GREB1L: variants seen among roughly 807,000 people sequenced by gnomAD.
The protein encoded by GREB1L is GREB1 like retinoic acid receptor coactivator.
Under a neutral mutation model 200.8 loss-of-function variants are expected in GREB1L, and 17 were observed. That is an observed-to-expected ratio of 0.08 (90% CI 0.06 to 0.13). The LOEUF (loss-of-function observed/expected upper bound fraction) is 0.13. GREB1L is among the 10% of genes least tolerant of loss of function. The pLI, the probability that GREB1L is intolerant of heterozygous loss-of-function variation, is 1.00. For synonymous variants in GREB1L, 789 were observed against 893.0 expected (o/e 0.88, Z 2.08); for missense variants, 1,657 against 2,367.7 (o/e 0.70, Z 6.23).
At chr18:21,279,069 T>G (rs959984002) in intron 1 of GREB1L, among the ~76,000 whole-genome samples, 1 of 152,094 alleles carries the variant, frequency 6.6e-6, no homozygotes, top group East Asian at 1.9e-4. Flanking sequence ...CCAAATCTAA[T>G]ATTTATATTA....
chr18:21,292,410 G>T (rs188883883), intron 1 of GREB1L, among the ~76,000 whole-genome samples: 1 of 152,134 alleles, frequency 6.6e-6, no homozygotes, highest in African/African-American at 2.4e-5. Context: ...TATACTGTTT[G>T]GTGTTATTTG....
intron 1 of GREB1L, among the ~76,000 whole-genome samples, chr18:21,304,405 GT>G (rs1335413007): frequency 6.6e-6 from 1 of 152,008 alleles, no homozygotes; most frequent in Non-Finnish European, 1.5e-5. Flanking sequence ...ATCATTCTGT[GT>G]TTTTTCAGCA....
intron 1 of GREB1L, among the ~76,000 whole-genome samples, chr18:21,259,107 C>T (rs2037849122): frequency 6.6e-6 from 1 of 152,082 alleles, no homozygotes; most frequent in South Asian, 2.1e-4. Context: ...GGTGTTTACC[C>T]TTGGAAAGCT....
intron 16 of GREB1L, among the ~76,000 whole-genome samples, chr18:21,475,376 T>C (rs2035646571): frequency 6.6e-6 from 1 of 152,116 alleles, no homozygotes; most frequent in Admixed American, 6.5e-5. Context: ...ATTATTATTT[T>C]TGAGATAGAG....
chr18:21,242,985 TC>T (rs1313823229), intron 1 of GREB1L, among the ~76,000 whole-genome samples: 3 of 152,030 alleles, frequency 2.0e-5, no homozygotes, highest in African/African-American at 7.2e-5. Context: ...TGGGTTTTTT[TC>T]CTCAACACCA....
intron 17 of GREB1L, among the ~76,000 whole-genome samples, chr18:21,482,664 T>TG (rs2035968078): frequency 6.7e-6 from 1 of 149,086 alleles, no homozygotes; most frequent in Middle Eastern, 3.2e-3. Flanking sequence ...TTTTTTTTTT[T>TG]TACAAACAAT....
At chr18:21,386,177 C>A (rs1449606051) in intron 4 of GREB1L, among the ~76,000 whole-genome samples, 1 of 152,210 alleles carries the variant, frequency 6.6e-6, no homozygotes, top group African/African-American at 2.4e-5. Context: ...ATTCCTGTAT[C>A]AGCTACTTTT....
At chr18:21,269,634 G>C (rs2038046964) in intron 1 of GREB1L, among the ~76,000 whole-genome samples, 1 of 152,070 alleles carries the variant, frequency 6.6e-6, no homozygotes, top group Admixed American at 6.5e-5. Flanking sequence ...ATAAACTAAT[G>C]AAGACAACTG....
intron 7 of GREB1L, among the ~76,000 whole-genome samples, chr18:21,426,985 A>ACC (rs1568000331): frequency 7.6e-5 from 7 of 92,294 alleles, no homozygotes; most frequent in African/African-American, 3.1e-4. Flanking sequence ...AAAAAAAAAA[A>ACC]AACAAAAAAA....
chr18:21,311,949 A>G (rs538616030), intron 1 of GREB1L, among the ~76,000 whole-genome samples: 111 of 152,182 alleles, frequency 7.3e-4, no homozygotes, highest in Non-Finnish European at 1.3e-3. Flanking sequence ...CCTAGTACCC[A>G]ATAGATATTT....
chr18:21,446,507 G>A (rs1297054090), intron 11 of GREB1L, among the ~76,000 whole-genome samples: 2 of 152,192 alleles, frequency 1.3e-5, no homozygotes, highest in Admixed American at 1.3e-4. Flanking sequence ...CTGACCTGCA[G>A]GATCAGTTCT....
chr18:21,504,176 G>T (rs1490270464), intron 23 of GREB1L, among the ~76,000 whole-genome samples: 1 of 152,082 alleles, frequency 6.6e-6, no homozygotes, highest in South Asian at 2.1e-4. Flanking sequence ...TGCCTGCCTC[G>T]GCCTCCCAAA....
At position 21,434,499 on chromosome 18, in the gene GREB1L, A is replaced by ATATG. The variant is rs1392320151; in HGVS notation, c.833-5021_833-5020insATGT. ...TAAAAAAAATAGTATATATATATAT[A>ATATG]TGTGTGTGTGTGTGTGTGTGTGTGT... On this transcript the variant is annotated intron_variant, in intron 7 of 32. Coordinates refer to ENST00000424526, the MANE Select transcript of GREB1L (RefSeq NM_001142966.3). 5.1e-4 allele frequency among the ~76,000 whole-genome samples: 65 copies of ATATG among 127,280 alleles called. 1 individual carries two copies. Among genetic ancestry groups the ATATG allele is most frequent in the South Asian group, 1.8e-3 (7 of 3,856 alleles). 83.5% of individuals were successfully genotyped at this position (127,280 alleles called of 152,430 possible). A position where few individuals can be genotyped will look rare whatever the true frequency, so the allele number is the denominator to read the frequency against.
chr18:21,503,973 A>C (rs966693486), intron 23 of GREB1L, among the ~76,000 whole-genome samples: 1 of 145,880 alleles, frequency 6.9e-6, no homozygotes, highest in African/African-American at 2.6e-5. Flanking sequence ...ATAGACTCTT[A>C]CTCTGTCACA....
chr18:21,512,949 C>T (rs1039582457), intron 27 of GREB1L, among the ~76,000 whole-genome samples: 18 of 152,140 alleles, frequency 1.2e-4, no homozygotes, highest in Non-Finnish European at 1.9e-4. Flanking sequence ...TCATTTATCA[C>T]CTACGTTTTG....
intron 1 of GREB1L, among the ~76,000 whole-genome samples, chr18:21,265,719 C>T (rs1304718289): frequency 6.6e-6 from 1 of 152,104 alleles, no homozygotes; most frequent in African/African-American, 2.4e-5. Context: ...TGAATCCTCT[C>T]GCCATGATGT....
chr18:21,362,146 A>G (rs558627821), intron 1 of GREB1L, among the ~76,000 whole-genome samples: 1 of 152,124 alleles, frequency 6.6e-6, no homozygotes, highest in South Asian at 2.1e-4. Context: ...CTTAAAAAAA[A>G]CCCAGAAAAT....
At chr18:21,370,177 G>A (rs1399826920) in intron 2 of GREB1L, among the ~76,000 whole-genome samples, 2 of 152,066 alleles carry the variant, frequency 1.3e-5, no homozygotes, top group African/African-American at 4.8e-5. Flanking sequence ...TATCTCTTCA[G>A]ACCTGTTTAA....
intron 15 of GREB1L, among the ~76,000 whole-genome samples, chr18:21,463,985 T>G (rs1355026714): frequency 6.6e-6 from 1 of 152,162 alleles, no homozygotes; most frequent in Non-Finnish European, 1.5e-5. Flanking sequence ...ATTTGGAAAT[T>G]TCTAGCGTCA....
Sources: allele counts gnomAD v4.1 joint callset (sites outside exome capture counted in the v4.1 genomes callset), GRCh38; gene constraint gnomAD v4.1.1; transcripts MANE v1.5; gene names NCBI Gene and HGNC (gene_info 2026-07-23, HGNC 2026-07-21).